ADGRA1: variants seen among roughly 807,000 people sequenced by gnomAD.
ADGRA1 encodes the protein G-protein coupled receptor 123.
Under a neutral mutation model 21.3 loss-of-function variants are expected in ADGRA1, and 12 were observed. That is an observed-to-expected ratio of 0.56 (90% CI 0.36 to 0.91). The LOEUF (loss-of-function observed/expected upper bound fraction) is 0.91, where lower values mean the gene tolerates loss of function less well. Among genes scored for constraint, ADGRA1 ranks in the 40% least tolerant of loss-of-function variants. The pLI, the probability that ADGRA1 is intolerant of heterozygous loss-of-function variation, is 0.01. For synonymous variants in ADGRA1, 385 were observed against 368.8 expected, an observed-to-expected ratio of 1.04 and a Z score of -0.50; for missense variants, 790 against 805.6, an observed-to-expected ratio of 0.98 and a Z score of 0.23.
At chr10:133,114,843 G>A (rs1049337530) in intron 5 of ADGRA1, among the ~76,000 whole-genome samples, 10 of 152,168 alleles carry the variant, frequency 6.6e-5, no homozygotes, top group African/African-American at 2.2e-4. Flanking sequence ...TGCTCCGCCC[G>A]CCCCTGCGCC....
rs527475750 is a variant in ADGRA1 at position 133,129,095 on chromosome 10, C to G, written c.1267C>G (p.Pro423Ala). ...CGGGTGCCTTCAGGGCAGAACTAAG[C>G]CGCCCTACTTTAGCCGGCACCCAGC... ...LHGCLQGRTK[P>A]PYFSRHPAEE... The change falls in exon 7 of 7, where the codon CCG (proline) becomes GCG (alanine). Residue 423 changes from proline to alanine, a missense_variant. Around this residue, in one of 3 missense-constraint regions of ADGRA1, gnomAD observed 391 missense variants for 351.5 expected, o/e 1.11. Transcript: ENST00000392607. 2.8e-5 allele frequency: 44 copies of G among 1,550,130 alleles called. No homozygotes were observed. Among genetic ancestry groups the G allele is most frequent in the Admixed American group, 2.1e-4 (11 of 52,276 alleles).
chr10:133,115,815 C>A (rs1185222139), intron 5 of ADGRA1, among the ~76,000 whole-genome samples: 1 of 152,196 alleles, frequency 6.6e-6, no homozygotes, highest in Non-Finnish European at 1.5e-5. Context: ...TCCAGGGCCA[C>A]ACATCAGACC....
At position 133,087,957 on chromosome 10, in the gene ADGRA1, C is replaced by A; in HGVS notation, c.-384C>A. ...GGCGGCGCTGCTGGCCGGGCTGGGCCGCTCGTGCGCGGGGCTGTGACTCAC... is the reference window on the plus strand; with the variant it reads ...GGCGGCGCTGCTGGCCGGGCTGGGCAGCTCGTGCGCGGGGCTGTGACTCAC... On this transcript the variant is annotated 5_prime_UTR_variant, in exon 1 of 7. Transcript: ENST00000392607. The A allele has an allele frequency of 1.0e-6, 1 of 984,988 alleles. No homozygotes were observed. Among genetic ancestry groups the A allele is most frequent in the Non-Finnish European group, 1.2e-6 (1 of 829,810 alleles). The allele number at this position is 984,988 out of a possible 1,614,324, so 61.0% of individuals were successfully genotyped here.
chr10:133,127,808 TCCACCTCCGCCTG>T (rs1852407430), intron 6 of ADGRA1, among the ~76,000 whole-genome samples: 3 of 7,528 alleles, frequency 4.0e-4, no homozygotes, highest in African/African-American at 1.5e-3. Flanking sequence ...CCCACCCAGC[TCCACCTCCGCCTG>T]GCCCCGCCCA....
chr10:133,115,244 C>T (rs147997906), intron 5 of ADGRA1, among the ~76,000 whole-genome samples: 11 of 152,330 alleles, frequency 7.2e-5, no homozygotes, highest in Non-Finnish European at 1.3e-4. Flanking sequence ...CCTCACCCCT[C>T]GGCCTTCCCC....
chr10:133,128,264 T>C, intron 6 of ADGRA1, 65 bp from the exon 7 acceptor site: 8 of 1,298,688 alleles, frequency 6.2e-6, no homozygotes, highest in Non-Finnish European at 8.2e-6. Flanking sequence ...CCCTTTGCTC[T>C]GCAGGGGGCG....
intron 5 of ADGRA1, among the ~76,000 whole-genome samples, chr10:133,125,774 C>T (rs879562068): frequency 6.6e-6 from 1 of 152,254 alleles, no homozygotes; most frequent in African/African-American, 2.4e-5. Flanking sequence ...GATTAAAATC[C>T]GCAACCTTTC....
rs1051295252 is a variant in ADGRA1 at position 133,098,735 on chromosome 10, G to T, written c.227G>T (p.Arg76Leu). Residue 76 changes from arginine (R) to leucine (L), a missense_variant, in exon 4 of 7, where the codon CGC (arginine) becomes CTC (leucine). Transcript: ENST00000392607. ...ACTGTGTTCGCCGGCGGCATCAATCGCACCAAGTACCCCATCCTGTGCCAG... is the reference window on the plus strand; with the variant it reads ...ACTGTGTTCGCCGGCGGCATCAATCTCACCAAGTACCCCATCCTGTGCCAG... ...TFTVFAGGIN[R>L]TKYPILCQAV... 1 of 1,611,586 alleles carries T rather than the reference G, an allele frequency of 6.2e-7. No homozygotes were observed. The highest frequency in any genetic ancestry group is 1.1e-5 in the South Asian group (1 of 91,072).
Position 133,089,125 on chromosome 10 carries a change from C to G in ADGRA1, c.3+213C>G, listed in dbSNP as rs1267791028. The G allele has an allele frequency of 4.7e-6, 4 of 849,162 alleles. No homozygotes were observed. In the African/African-American group the frequency reaches 7.0e-5, roughly 15 times the overall value. The allele number at this position is 849,162 out of a possible 1,614,324, so 52.6% of individuals were successfully genotyped here. A position where few individuals can be genotyped will look rare whatever the true frequency, so the allele number is the denominator to read the frequency against. On this transcript the variant is annotated intron_variant, in intron 2 of 6. Transcript: ENST00000392607. ...ACCTCTGCTCCCCGCGTGCTGGGTGCTGATCATACTAATGAGTTGCAGGCA... is the reference window on the plus strand; with the variant it reads ...ACCTCTGCTCCCCGCGTGCTGGGTGGTGATCATACTAATGAGTTGCAGGCA...
At chr10:133,122,842 C>T (rs187561708) in intron 5 of ADGRA1, among the ~76,000 whole-genome samples, 120 of 152,082 alleles carry the variant, frequency 7.9e-4, no homozygotes, top group South Asian at 6.5e-3. Flanking sequence ...CCCAGGCACA[C>T]GCGTCCCCAG....
At position 133,127,327 on chromosome 10, in the gene ADGRA1, G is replaced by A. The variant is rs894647107; in HGVS notation, c.496G>A (p.Ala166Thr). Reference protein sequence around the residue: ...RNYGTEDEDTAYCWMAWEPSL... With the variant: ...RNYGTEDEDTTYCWMAWEPSL... ...TTACGGGACAGAGGACGAGGACACGGCGTAGTGAGTACCGGGCACCCAGAA... is the reference window on the plus strand; with the variant it reads ...TTACGGGACAGAGGACGAGGACACGACGTAGTGAGTACCGGGCACCCAGAA... Residue 166 changes from alanine to threonine, a missense_variant, in exon 6 of 7, where the codon GCG (alanine) becomes ACG (threonine). Physicochemically the swap from Ala to Thr is moderately conservative, Grantham distance 58. Transcript: ENST00000392607. 3.1e-6 allele frequency: 5 copies of A among 1,593,214 alleles called. No individual in the cohort carries two copies. In the Admixed American group the frequency reaches 5.3e-5, roughly 17 times the overall value.
At chr10:133,088,309 G>T (rs1448748719) in intron 1 of ADGRA1, 171 bp downstream of exon 1, 1 of 183,966 alleles carries the variant, frequency 5.4e-6, no homozygotes, top group Non-Finnish European at 1.0e-5. Context: ...CGCCCCGCGC[G>T]CCCGGCCCGG....
chr10:133,127,727 G>A (rs1437901343), intron 6 of ADGRA1, among the ~76,000 whole-genome samples: 1 of 151,768 alleles, frequency 6.6e-6, no homozygotes, highest in Non-Finnish European at 1.5e-5. Context: ...TCCTTCTGCG[G>A]CCCCAGGATG....
At chr10:133,092,907 GAGA>G (rs1267830386) in intron 2 of ADGRA1, 4 of 1,530,624 alleles carry the variant, frequency 2.6e-6, no homozygotes, top group Admixed American at 2.0e-5. Context: ...CTGGAAGAAG[GAGA>G]AGGAGGACTG....
chr10:133,114,945 G>A (rs1051791790), intron 5 of ADGRA1, among the ~76,000 whole-genome samples: 1 of 152,186 alleles, frequency 6.6e-6, no homozygotes, highest in Non-Finnish European at 1.5e-5. Context: ...TCCACACCTG[G>A]AATCCACCGT....
intron 1 of ADGRA1, 78 bp downstream of exon 1, chr10:133,088,216 G>A (rs1470680807): frequency 4.5e-6 from 3 of 660,418 alleles, no homozygotes; most frequent in East Asian, 1.4e-4. Context: ...GCGCCCCGAG[G>A]TGACACTGGC....
chr10:133,095,644 T>C (rs1851674550), intron 2 of ADGRA1: 1 of 1,590,652 alleles, frequency 6.3e-7, no homozygotes, highest in Admixed American at 1.7e-5. Flanking sequence ...GTCCCTTGGC[T>C]CCCCAGAGCA....
chr10:133,099,838 C>T lies in ADGRA1; in HGVS notation c.255+1075C>T, dbSNP rs959188773. On this transcript the variant is annotated intron_variant, in intron 4 of 6. Coordinates refer to ENST00000392607, the MANE Select transcript of ADGRA1 (RefSeq NM_001083909.3). ...TGCCACGGACTGCAGGGCAACTTGC[C>T]AGGGGTCCACCCTGCAGTTTCTGGA... 3.3e-5 allele frequency among the ~76,000 whole-genome samples: 5 copies of T among 152,366 alleles called. 1 individual carries two copies. The highest frequency in any genetic ancestry group is 3.9e-4 in the East Asian group (2 of 5,180).
chr10:133,129,431 T>C lies in ADGRA1; in HGVS notation c.1603T>C (p.Leu535=), dbSNP rs1852465653. 5 of 1,604,182 alleles carry C rather than the reference T, an allele frequency of 3.1e-6. No homozygotes were observed. Among genetic ancestry groups the C allele is most frequent in the African/African-American group, 1.3e-5 (1 of 74,922 alleles). Residue 535 remains leucine, a synonymous_variant, in exon 7 of 7, where the codon TTG becomes CTG. Transcript: ENST00000392607. ...CCAGAACGGGCTGCCCAAGGGTAAA[T>C]TGCTAGAAGGCCTGCCGTTTGGCAC... is the stretch of plus-strand genomic sequence containing the variant. ...PSQNGLPKGK[L]LEGLPFGTDG... is the part of the protein sequence containing the mutation.
Sources: gnomAD v4.1 joint callset for allele counts (sites outside exome capture counted in the v4.1 genomes callset) on GRCh38, gnomAD v4.1.1 for gene constraint, gnomAD v4.1.1 regional missense constraint, MANE v1.5 for transcripts, NCBI Gene and HGNC (gene_info 2026-07-23, HGNC 2026-07-21) for gene names.